The following LPP variants were observed in gnomAD, a reference collection of about 807,000 sequenced individuals.
LPP encodes the protein lipoma-preferred partner.
A neutral mutation model predicts 60.4 loss-of-function variants in LPP; 38 were observed. That is an observed-to-expected ratio of 0.63 (90% CI 0.49 to 0.83). The LOEUF is 0.83. Among genes scored for constraint, LPP ranks in the 40% least tolerant of loss-of-function variants. The probability of loss-of-function intolerance (pLI) is 0.00; values close to 1 mark genes in which losing one functional copy is unlikely to be tolerated. For missense variants in LPP, 902 were observed against 783.6 expected, an observed-to-expected ratio of 1.15 and a Z score of -1.80; for synonymous variants, 328 against 290.8, an observed-to-expected ratio of 1.13 and a Z score of -1.30.
chr3:188,534,622 C>T (rs1460164340), intron 6 of LPP, among the ~76,000 whole-genome samples: 1 of 152,038 alleles, frequency 6.6e-6, no homozygotes, highest in Non-Finnish European at 1.5e-5. Context: ...TTTTTTAACT[C>T]AAGATGACTA....
At chr3:188,714,480 T>C (rs1449191132) in intron 8 of LPP, among the ~76,000 whole-genome samples, 2 of 152,202 alleles carry the variant, frequency 1.3e-5, no homozygotes, top group Admixed American at 1.3e-4. Context: ...AGTTCTTCTC[T>C]TGACCATGGG....
At chr3:188,507,445 G>A (rs1813863258) in intron 5 of LPP, among the ~76,000 whole-genome samples, 1 of 151,662 alleles carries the variant, frequency 6.6e-6, no homozygotes, top group Non-Finnish European at 1.5e-5. Flanking sequence ...GTGCCATTTC[G>A]AAAGGGGGAA....
intron 7 of LPP, among the ~76,000 whole-genome samples, chr3:188,643,998 T>C (rs577295263): frequency 1.3e-5 from 2 of 152,128 alleles, no homozygotes; most frequent in Non-Finnish European, 2.9e-5. Flanking sequence ...CCACTATCCA[T>C]GAAATATTGA....
At position 188,609,139 on chromosome 3, in the gene LPP, T is replaced by C. The variant is rs780573627; in HGVS notation, c.430-22T>C. ...CAGTAATTTTTGCTTTCTTTCTTTC[T>C]TTTTTTTCCTATTCTTTTTAGAGCT... On this transcript the variant is annotated intron_variant, in intron 6 of 11. Transcript: ENST00000617246. The surrounding 1 kb of genome is among the most constrained non-coding windows in gnomAD (Gnocchi z 6.9). The C allele has an allele frequency of 1.3e-6, 2 of 1,486,134 alleles. No individual in the cohort carries two copies. The highest frequency in any genetic ancestry group is 2.5e-5 in the Admixed American group (1 of 39,552). 92.1% of individuals were successfully genotyped at this position (1,486,134 alleles called of 1,614,324 possible).
intron 3 of LPP, among the ~76,000 whole-genome samples, chr3:188,346,251 CTTTTTTTTTTT>C (rs1050679907): frequency 2.5e-4 from 22 of 88,340 alleles, no homozygotes; most frequent in East Asian, 1.6e-3. Flanking sequence ...AGTAGCAAAT[CTTTTTTTTTTT>C]TTTTTTTTTT....
At chr3:188,501,783 G>A (rs886476354) in intron 5 of LPP, among the ~76,000 whole-genome samples, 5 of 151,878 alleles carry the variant, frequency 3.3e-5, no homozygotes, top group African/African-American at 1.2e-4. Context: ...CGGGCGTGGT[G>A]GTGGGCACCT....
rs370495972 is a variant in LPP, at chr3:188,609,819, C to T, written c.1088C>T (p.Pro363Leu). ...TATATCACAGATCCTGTTTCAGCCC[C>T]CTGTGCGCCACCATTGCAGCCAAAG... ...KTYITDPVSA[P>L]CAPPLQPKGG... Residue 363 changes from proline (P) to leucine (L), a missense_variant, in exon 7 of 12, where the codon CCC (proline) becomes CTC (leucine). Pro to Leu is a moderately conservative substitution (Grantham distance 98). Transcript: ENST00000617246. This position sits in a 1 kb window ranked among gnomAD's most constrained non-coding sequence, Gnocchi z 6.9. The T allele has an allele frequency of 1.9e-5, 31 of 1,612,524 alleles. No individual in the cohort carries two copies. Among genetic ancestry groups the T allele is most frequent in the South Asian group, 4.4e-5 (4 of 90,988 alleles).
At chr3:188,229,885 G>C (rs1221728160) in intron 2 of LPP, among the ~76,000 whole-genome samples, 1 of 152,108 alleles carries the variant, frequency 6.6e-6, no homozygotes, top group East Asian at 1.9e-4. Context: ...AATGGGTAGA[G>C]AGACCTTTGT....
chr3:188,270,744 C>A (rs1737474315), intron 2 of LPP, among the ~76,000 whole-genome samples: 1 of 152,234 alleles, frequency 6.6e-6, no homozygotes, highest in Admixed American at 6.5e-5. Flanking sequence ...GAGAAAGAAG[C>A]TAATGTTCCA....
intron 2 of LPP, among the ~76,000 whole-genome samples, chr3:188,313,141 A>G (rs139728975): frequency 2.0e-5 from 1 of 50,056 alleles, no homozygotes; most frequent in African/African-American, 3.1e-4. Flanking sequence ...TAAAAAAAAG[A>G]AAAAAAAAAG....
intron 6 of LPP, among the ~76,000 whole-genome samples, chr3:188,530,951 A>G (rs1036242386): frequency 9.2e-5 from 14 of 152,356 alleles, no homozygotes; most frequent in East Asian, 3.9e-4. Flanking sequence ...CAAGAGATCA[A>G]TCATGAACTA....
intron 7 of LPP, among the ~76,000 whole-genome samples, chr3:188,691,635 C>G (rs138571459): frequency 6.6e-6 from 1 of 152,286 alleles, no homozygotes; most frequent in African/African-American, 2.4e-5. Flanking sequence ...TGATTGCGCC[C>G]ACTTGAGGAA....
chr3:188,839,088 A>C (rs929536302), intron 9 of LPP, among the ~76,000 whole-genome samples: 1 of 152,122 alleles, frequency 6.6e-6, no homozygotes, highest in Non-Finnish European at 1.5e-5. Flanking sequence ...TATCTTTCAC[A>C]CTTCTTACCA....
chr3:188,294,819 A>T (rs563992131), intron 2 of LPP, among the ~76,000 whole-genome samples: 2 of 152,296 alleles, frequency 1.3e-5, no homozygotes, highest in Admixed American at 6.5e-5. Context: ...AATAGAGGAG[A>T]CCTGCAGCTT....
intron 9 of LPP, among the ~76,000 whole-genome samples, chr3:188,770,167 TC>T (rs1401519997): frequency 0.011 from 1,405 of 125,950 alleles, 50 homozygotes; most frequent in African/African-American, 0.041. Flanking sequence ...TAGTTATAAT[TC>T]TTTTTTTTTT....
At chr3:188,238,341 TCA>T (rs1174637943) in intron 2 of LPP, among the ~76,000 whole-genome samples, 1 of 152,206 alleles carries the variant, frequency 6.6e-6, no homozygotes. Flanking sequence ...ATTCATGTGT[TCA>T]CTGGAATAGC....
chr3:188,347,164 A>C (rs1429995042), intron 3 of LPP, among the ~76,000 whole-genome samples: 1 of 152,202 alleles, frequency 6.6e-6, no homozygotes, highest in Admixed American at 6.5e-5. Flanking sequence ...AAATATGTGA[A>C]TACCTCCAGA....
Position 188,877,895 on chromosome 3 carries a change from G to T in LPP, c.*3416G>T, listed in dbSNP as rs775289106. ...TTATTTCTGTAGGAGCAACTTCTCT[G>T]ATCAAAATTACTTTTCTGGGTATGT... On this transcript the variant is annotated 3_prime_UTR_variant, in exon 12 of 12. Coordinates refer to ENST00000617246, the MANE Select transcript of LPP (RefSeq NM_001375462.1). 14 of 215,904 alleles carry T rather than the reference G, an allele frequency of 6.5e-5. No individual in the cohort carries two copies. The highest frequency in any genetic ancestry group is 1.3e-4 in the Non-Finnish European group (14 of 107,068). The allele number at this position is 215,904 out of a possible 1,614,324, so 13.4% of individuals were successfully genotyped here. A position where few individuals can be genotyped will look rare whatever the true frequency, so the allele number is the denominator to read the frequency against.
intron 6 of LPP, among the ~76,000 whole-genome samples, chr3:188,597,861 T>C (rs898288681): frequency 6.6e-6 from 1 of 152,138 alleles, no homozygotes; most frequent in Non-Finnish European, 1.5e-5. Flanking sequence ...ATCTCTTTGC[T>C]AGACCCTAAG....
Sources: allele counts gnomAD v4.1 joint callset (sites outside exome capture counted in the v4.1 genomes callset), GRCh38; gene constraint gnomAD v4.1.1; non-coding constraint Gnocchi (gnomAD v3.1); transcripts MANE v1.5; gene names NCBI Gene and HGNC (gene_info 2026-07-23, HGNC 2026-07-21).